Variants in CNIH3 observed in about 807,000 individuals in gnomAD.
CNIH3 encodes the protein protein cornichon homolog 3.
In CNIH3, 14 loss-of-function variants were observed where a neutral mutation model predicts 24.1. The ratio of observed to expected loss-of-function variants is 0.58; its 90% CI spans 0.38 to 0.91. The LOEUF (loss-of-function observed/expected upper bound fraction) is 0.91, where lower values mean the gene tolerates loss of function less well. Among genes scored for constraint, CNIH3 ranks in the 40% least tolerant of loss-of-function variants. The pLI is 0.00. For synonymous variants in CNIH3, 68 were observed against 73.8 expected, an observed-to-expected ratio of 0.92 and a Z score of 0.40; for missense variants, 178 against 196.8, an observed-to-expected ratio of 0.90 and a Z score of 0.57.
intron 3 of CNIH3, among the ~76,000 whole-genome samples, chr1:224,561,389 G>A (rs1187170951): frequency 1.3e-5 from 2 of 152,102 alleles, no homozygotes; most frequent in African/African-American, 4.8e-5. Context: ...TTTTGTGAAT[G>A]GCATGAGAGG....
intron 1 of CNIH3, among the ~76,000 whole-genome samples, chr1:224,508,094 T>C (rs912923433): frequency 6.6e-6 from 1 of 152,262 alleles, no homozygotes; most frequent in Admixed American, 6.5e-5. Context: ...GGTATATGTA[T>C]GTTTTGTGAG....
chr1:224,536,130 G>A lies in CNIH3; in HGVS notation n.344-806G>A, dbSNP rs370309860. Among the ~76,000 whole-genome samples, 10 of 152,200 alleles carry A rather than the reference G, an allele frequency of 6.6e-5. No individual in the cohort carries two copies. The East Asian group carries it at 1.4e-3, about 21-fold the overall frequency. ...ATGTGTCCTGACAATGTCAGATGGG[G>A]CAAGGATCCATCTGTCAGCAGCCTA... On this transcript the variant is annotated intron_variant and non_coding_transcript_variant, in intron 2 of 2. Transcript: ENST00000470602.
At chr1:224,673,787 A>G (rs1685990101) in intron 1 of CNIH3, among the ~76,000 whole-genome samples, 1 of 150,162 alleles carries the variant, frequency 6.7e-6, no homozygotes, top group African/African-American at 2.5e-5. Context: ...TGCCAGGTAC[A>G]TCGTGGGTAT....
intron 1 of CNIH3, among the ~76,000 whole-genome samples, chr1:224,504,948 C>T (rs370999767): frequency 1.3e-5 from 2 of 150,496 alleles, no homozygotes; most frequent in African/African-American, 4.9e-5. Context: ...TTAATATGAA[C>T]GTTTTTATTC....
intron 1 of CNIH3, among the ~76,000 whole-genome samples, chr1:224,500,910 C>T (rs1268869912): frequency 1.3e-5 from 2 of 152,080 alleles, no homozygotes; most frequent in Non-Finnish European, 2.9e-5. Flanking sequence ...GGCTGGAACC[C>T]GAGGAAGCAG....
intron 1 of CNIH3, among the ~76,000 whole-genome samples, chr1:224,464,214 C>A (rs1430657483): frequency 6.6e-6 from 1 of 151,954 alleles, no homozygotes; most frequent in Admixed American, 6.6e-5. Context: ...AATCTTTGCC[C>A]CAAGGCCACA....
At chr1:224,706,159 C>T (rs915037019) in intron 3 of CNIH3, among the ~76,000 whole-genome samples, 4 of 152,106 alleles carry the variant, frequency 2.6e-5, no homozygotes, top group African/African-American at 4.8e-5. Flanking sequence ...GAGGTGTGTT[C>T]AGTTCTGAGA....
At chr1:224,518,816 A>G (rs1183835424) in intron 1 of CNIH3, among the ~76,000 whole-genome samples, 1 of 152,214 alleles carries the variant, frequency 6.6e-6, no homozygotes, top group East Asian at 1.9e-4. Context: ...AAGGAGAACT[A>G]GAAGCCAGCC....
At chr1:224,739,272 G>A in intron 5 of CNIH3, 57 bp from the exon 6 acceptor site, 2 of 1,584,272 alleles carry the variant, frequency 1.3e-6, no homozygotes, top group South Asian at 2.3e-5. Context: ...GTCCTCTGTG[G>A]GCTTCTACTA....
At chr1:224,694,178 C>G (rs923435735) in intron 3 of CNIH3, among the ~76,000 whole-genome samples, 1 of 152,218 alleles carries the variant, frequency 6.6e-6, no homozygotes, top group Non-Finnish European at 1.5e-5. Flanking sequence ...CCAGGATGAG[C>G]TGAGCCCTGG....
chr1:224,456,961 G>T (rs1164012352), intron 1 of CNIH3, among the ~76,000 whole-genome samples: 1 of 152,236 alleles, frequency 6.6e-6, no homozygotes, highest in East Asian at 1.9e-4. Context: ...TGGTGCCAGG[G>T]CGTGGGAGCA....
At chr1:224,617,281 T>C (rs746353716) in intron 1 of CNIH3, 26 bp downstream of exon 1, 35 of 1,607,160 alleles carry the variant, frequency 2.2e-5, no homozygotes, top group Middle Eastern at 1.7e-4. Flanking sequence ...TGGTCTCTCT[T>C]CTTTCGCCCC....
At position 224,467,423 on chromosome 1, in the gene CNIH3, TTTTG is replaced by T. The variant is rs199499330; in HGVS notation, n.203+32581_203+32584del. 7.7e-4 allele frequency among the ~76,000 whole-genome samples: 117 copies of T among 152,168 alleles called. 1 individual carries two copies. In the East Asian group the frequency reaches 0.017, roughly 22 times the overall value. The stretch of plus-strand genomic sequence containing the variant: ...TTATCAAGTTTTCCTGGATCATAGT[TTTTG>T]TTTGTTTGTTTGTTTGTTTTTGTTT... On this transcript the variant is annotated intron_variant and non_coding_transcript_variant, in intron 1 of 5. Transcript: ENST00000471578.
At chr1:224,495,315 A>G (rs1191096519) in intron 1 of CNIH3, among the ~76,000 whole-genome samples, 2 of 152,220 alleles carry the variant, frequency 1.3e-5, no homozygotes, top group African/African-American at 4.8e-5. Context: ...CATGCCTTGT[A>G]TATACCTTGA....
rs550627783 is a variant in CNIH3, at chr1:224,694,215, A to G, written c.198+9372A>G. Among the ~76,000 whole-genome samples, 224 of 152,316 alleles carry G rather than the reference A, an allele frequency of 1.5e-3. 1 individual carries two copies. The highest frequency in any genetic ancestry group is 1.9e-3 in the Non-Finnish European group (131 of 68,026). Reference sequence around the variant, plus strand: ...CTTGGGAGCATTTCCACAAGTTGCTATGTCCTGGCTGTGTGTGGAGAGAAC... The same window carrying G: ...CTTGGGAGCATTTCCACAAGTTGCTGTGTCCTGGCTGTGTGTGGAGAGAAC... On this transcript the variant is annotated intron_variant, in intron 3 of 5. Coordinates refer to ENST00000272133, the MANE Select transcript of CNIH3 (RefSeq NM_152495.2).
intron 1 of CNIH3, among the ~76,000 whole-genome samples, chr1:224,478,816 G>A (rs1242509113): frequency 6.6e-6 from 1 of 152,146 alleles, no homozygotes; most frequent in East Asian, 1.9e-4. Flanking sequence ...GCTGGGGAGG[G>A]TTCACAATCA....
chr1:224,617,558 G>A (rs1683075358), intron 1 of CNIH3, among the ~76,000 whole-genome samples: 1 of 152,198 alleles, frequency 6.6e-6, no homozygotes, highest in Non-Finnish European at 1.5e-5. Context: ...TTCCTCTCCC[G>A]CCCCGTCCTC....
intron 4 of CNIH3, among the ~76,000 whole-genome samples, chr1:224,569,022 G>A (rs940269163): frequency 1.3e-5 from 2 of 152,076 alleles, no homozygotes; most frequent in Admixed American, 6.5e-5. Flanking sequence ...ACAGGCATGT[G>A]CCACCACGCC....
At chr1:224,689,345 C>T (rs1188944742) in intron 3 of CNIH3, among the ~76,000 whole-genome samples, 1 of 152,182 alleles carries the variant, frequency 6.6e-6, no homozygotes, top group African/African-American at 2.4e-5. Context: ...ATCATCCTGA[C>T]CCTTAAGTTC....
Sources: gnomAD v4.1 joint callset for allele counts (sites outside exome capture counted in the v4.1 genomes callset) on GRCh38, gnomAD v4.1.1 for gene constraint, MANE v1.5 for transcripts, NCBI Gene and HGNC (gene_info 2026-07-23, HGNC 2026-07-21) for gene names.